IFT80: variants seen among roughly 807,000 people sequenced by gnomAD.
IFT80 encodes the protein intraflagellar transport protein 80 homolog.
In IFT80, 79 loss-of-function variants were observed where a neutral mutation model predicts 107.9. The ratio of observed to expected loss-of-function variants is 0.73; its 90% CI spans 0.61 to 0.88. The LOEUF (loss-of-function observed/expected upper bound fraction) is 0.88, where lower values mean the gene tolerates loss of function less well. Ranked by LOEUF, IFT80 falls within the 40% of genes least tolerant of loss-of-function variation. The probability of loss-of-function intolerance (pLI) is 0.00; values close to 1 mark genes in which losing one functional copy is unlikely to be tolerated. For missense variants in IFT80, 797 were observed against 914.2 expected, an observed-to-expected ratio of 0.87 and a Z score of 1.65; for synonymous variants, 299 against 300.9, an observed-to-expected ratio of 0.99 and a Z score of 0.07.
intron 11 of IFT80, among the ~76,000 whole-genome samples, chr3:160,302,228 C>T (rs1164301949): frequency 6.6e-6 from 1 of 151,792 alleles, no homozygotes; most frequent in Admixed American, 6.6e-5. Context: ...GCTATGGAAA[C>T]AAAACAGAAA....
chr3:160,289,136 A>T (rs1043765586), intron 12 of IFT80, among the ~76,000 whole-genome samples: 12 of 152,206 alleles, frequency 7.9e-5, no homozygotes, highest in Admixed American at 6.5e-5. Flanking sequence ...CCATAAAAAA[A>T]ATGAGATCAT....
At chr3:160,324,192 C>T (rs1358259572) in intron 8 of IFT80, among the ~76,000 whole-genome samples, 8 of 152,066 alleles carry the variant, frequency 5.3e-5, no homozygotes, top group Non-Finnish European at 1.0e-4. Context: ...CCGAATTCTA[C>T]CAGAGGTACA....
At chr3:160,349,226 T>C (rs1365840031) in intron 8 of IFT80, among the ~76,000 whole-genome samples, 2 of 152,006 alleles carry the variant, frequency 1.3e-5, no homozygotes, top group Non-Finnish European at 2.9e-5. Context: ...AGCGAGTGGA[T>C]CACCTGAGGT....
chr3:160,294,225 T>A (rs1214945851), intron 12 of IFT80, among the ~76,000 whole-genome samples: 4 of 152,028 alleles, frequency 2.6e-5, no homozygotes, highest in Admixed American at 6.5e-5. Flanking sequence ...TTAACTTTTT[T>A]TTTCTTTTTT....
intron 9 of IFT80, among the ~76,000 whole-genome samples, chr3:160,311,775 GT>G (rs1717272303): frequency 6.6e-6 from 1 of 152,032 alleles, no homozygotes; most frequent in African/African-American, 2.4e-5. Context: ...GTCAGGTGTT[GT>G]TTTTTGTTTG....
At chr3:160,346,351 T>A (rs1374441239) in intron 8 of IFT80, among the ~76,000 whole-genome samples, 2 of 152,210 alleles carry the variant, frequency 1.3e-5, no homozygotes, top group Admixed American at 1.3e-4. Context: ...AACATCACAT[T>A]ACCTGTACCT....
At chr3:160,389,571 A>C (rs1039469678) in intron 1 of IFT80, among the ~76,000 whole-genome samples, 2 of 144,802 alleles carry the variant, frequency 1.4e-5, no homozygotes, top group Admixed American at 7.2e-5. Flanking sequence ...ATGAGTGAGA[A>C]TATGCGGTGT....
intron 18 of IFT80, among the ~76,000 whole-genome samples, chr3:160,271,048 T>G (rs1302644702): frequency 2.0e-5 from 3 of 152,192 alleles, no homozygotes; most frequent in African/African-American, 7.2e-5. Context: ...AGATGCTAGA[T>G]CCTAAGAATT....
At position 160,292,475 on chromosome 3, in the gene IFT80, CTT is replaced by C. The variant is rs142116230; in HGVS notation, c.1316-6609_1316-6608del. Among the ~76,000 whole-genome samples the C allele has an allele frequency of 3.6e-3, 414 of 115,352 alleles. 1 individual carries two copies. The highest frequency in any genetic ancestry group is 9.8e-3 in the African/African-American group (277 of 28,238). The allele number at this position is 115,352 out of a possible 152,430, so 75.7% of individuals were successfully genotyped here. ...ATAGATTCCTGCACTAGAGAGATTC[CTT>C]TTTTTTTTTTTTTTTTTTTTGAGAC... On this transcript the variant is annotated intron_variant, in intron 12 of 19. Transcript: ENST00000326448.
chr3:160,352,718 G>T (rs942394545), intron 8 of IFT80, among the ~76,000 whole-genome samples: 4 of 152,112 alleles, frequency 2.6e-5, no homozygotes, highest in African/African-American at 9.7e-5. Flanking sequence ...CGTAATGATT[G>T]AACAGGGCAT....
intron 16 of IFT80, 73 bp downstream of exon 16, chr3:160,279,120 T>C: frequency 2.4e-6 from 3 of 1,231,482 alleles, no homozygotes; most frequent in Non-Finnish European, 3.6e-6. Context: ...AAGCCTATTA[T>C]CATTACTCAT....
At chr3:160,271,428 G>A (rs1349106212) in intron 18 of IFT80, among the ~76,000 whole-genome samples, 1 of 152,138 alleles carries the variant, frequency 6.6e-6, no homozygotes, top group East Asian at 1.9e-4. Flanking sequence ...ACTGAGATCA[G>A]AAATTATTTT....
intron 3 of IFT80, 95 bp from the exon 4 acceptor site, chr3:160,377,635 C>A: frequency 1.6e-6 from 1 of 629,046 alleles, no homozygotes; most frequent in Non-Finnish European, 2.8e-6. Flanking sequence ...GGCATAAAGG[C>A]AAATATTAAC....
chr3:160,350,088 T>C (rs1720566988), intron 8 of IFT80, among the ~76,000 whole-genome samples: 1 of 152,110 alleles, frequency 6.6e-6, no homozygotes, highest in African/African-American at 2.4e-5. Flanking sequence ...AAGTAAACTC[T>C]ATAAAGGCAA....
rs765880505 is a variant in IFT80, at chr3:160,277,275, T to C, written c.2099+31A>G. ...GAAAAATACATTAAGGTCAAACAGA[T>C]TTTGGAACTGATGGAAAGCATTCTT... On this transcript the variant is annotated intron_variant, in intron 18 of 19. Coordinates refer to ENST00000326448, the MANE Select transcript of IFT80 (RefSeq NM_020800.3). 3.1e-6 allele frequency: 5 copies of C among 1,590,226 alleles called. No homozygotes were observed. The Admixed American group carries it at 6.7e-5, about 21-fold the overall frequency.
chr3:160,366,057 C>A lies in IFT80; in HGVS notation c.535G>T (p.Ala179Ser). ...CTGAGAAGTACCTGCAAAACTTTAGCATTTGGTTGAAGAGGTTTAATGATT... is the reference window on the plus strand; with the variant it reads ...CTGAGAAGTACCTGCAAAACTTTAGAATTTGGTTGAAGAGGTTTAATGATT... ...QLIIKPLQPN[A>S]KVLQWKAHDG... Residue 179 changes from alanine to serine, a missense_variant, in exon 6 of 20, where the codon GCT becomes TCT. Coordinates refer to ENST00000326448, the MANE Select transcript of IFT80 (RefSeq NM_020800.3). 1.2e-6 allele frequency: 2 copies of A among 1,611,964 alleles called. No homozygotes were observed. Among genetic ancestry groups the A allele is most frequent in the Non-Finnish European group, 1.7e-6 (2 of 1,178,678 alleles).
At chr3:160,270,210 A>G (rs535552490) in intron 18 of IFT80, among the ~76,000 whole-genome samples, 17 of 152,374 alleles carry the variant, frequency 1.1e-4, no homozygotes, top group African/African-American at 3.4e-4. Flanking sequence ...CACATTGGCC[A>G]GGCTGGTCTT....
intron 12 of IFT80, among the ~76,000 whole-genome samples, chr3:160,288,707 C>T (rs552221205): frequency 3.2e-4 from 49 of 152,016 alleles, no homozygotes; most frequent in Non-Finnish European, 7.1e-4. Flanking sequence ...ATACATGTGG[C>T]CAACAAACAT....
At chr3:160,369,919 T>C (rs552606960) in intron 5 of IFT80, among the ~76,000 whole-genome samples, 2 of 152,230 alleles carry the variant, frequency 1.3e-5, no homozygotes, top group East Asian at 1.9e-4. Flanking sequence ...ACTAAAATCA[T>C]GTGACCTTTT....
Sources: allele counts gnomAD v4.1 joint callset (sites outside exome capture counted in the v4.1 genomes callset), GRCh38; gene constraint gnomAD v4.1.1; transcripts MANE v1.5; gene names NCBI Gene and HGNC (gene_info 2026-07-23, HGNC 2026-07-21).